Variants in PCDH15 observed in about 807,000 individuals in gnomAD.
PCDH15 encodes the protein protocadherin-15.
A neutral mutation model predicts 178.5 loss-of-function variants in PCDH15; 129 were observed. That is an observed-to-expected ratio of 0.72 (90% confidence interval 0.63 to 0.84). The LOEUF is 0.84. Among genes scored for constraint, PCDH15 ranks in the 40% least tolerant of loss-of-function variants. The pLI, the probability that PCDH15 is intolerant of heterozygous loss-of-function variation, is 0.00. For missense variants in PCDH15, 2,230 were observed against 2,099.9 expected, an observed-to-expected ratio of 1.06 and a Z score of -1.21; for synonymous variants, 800 against 732.0, an observed-to-expected ratio of 1.09 and a Z score of -1.50.
intron 1 of PCDH15, among the ~76,000 whole-genome samples, chr10:55,216,408 C>T (rs1040301414): frequency 4.0e-5 from 6 of 151,782 alleles, no homozygotes; most frequent in Admixed American, 6.6e-5. Context: ...TTTACAAATA[C>T]GGTATACACC....
At chr10:55,334,309 TATA>T (rs1565021832) in intron 2 of PCDH15, among the ~76,000 whole-genome samples, 3 of 123,710 alleles carry the variant, frequency 2.4e-5, no homozygotes, top group Admixed American at 8.1e-5. Context: ...TATATATATA[TATA>T]TATTTTTTTT....
intron 10 of PCDH15, among the ~76,000 whole-genome samples, chr10:54,201,779 AAATT>A (rs1286634737): frequency 2.0e-5 from 3 of 152,222 alleles, no homozygotes; most frequent in African/African-American, 7.2e-5. Flanking sequence ...CACGAAGTGG[AAATT>A]AATTAATGTG....
In PCDH15 at chr10:54,403,763, G is replaced by A. The variant is rs773905509; in HGVS notation, c.158-24821C>T. On this transcript the variant is annotated intron_variant, in intron 3 of 37. Coordinates refer to ENST00000644397, the MANE Select transcript of PCDH15 (RefSeq NM_001384140.1). ...GCAAGTCTCAGGATACAAAATCAAC[G>A]TACAAAAATCACTAGCACTCCTGGA... Among the ~76,000 whole-genome samples the A allele has an allele frequency of 7.3e-5, 11 of 151,688 alleles. No homozygotes were observed. The South Asian group carries it at 1.0e-3, about 14-fold the overall frequency.
chr10:54,359,071 T>C (rs1386668195), intron 5 of PCDH15, among the ~76,000 whole-genome samples: 3 of 149,802 alleles, frequency 2.0e-5, no homozygotes, highest in Non-Finnish European at 3.0e-5. Flanking sequence ...AATGACGAGT[T>C]AATGGGTGCA....
rs11004011 is a variant in PCDH15 at position 54,035,770 on chromosome 10, T to A, written c.2221-12573A>T. ...AAAAGCTAGAAATGATTAAGCTTAG[T>A]GAGAAAGGTAGGTCAAAAGCTGAGA... On this transcript the variant is annotated intron_variant, in intron 18 of 37. Transcript: ENST00000644397. 7.2e-5 allele frequency among the ~76,000 whole-genome samples: 11 copies of A among 151,800 alleles called. No individual in the cohort carries two copies. In the East Asian group the frequency reaches 1.9e-3, roughly 27 times the overall value.
chr10:54,207,873 G>A (rs1158411025), intron 10 of PCDH15, among the ~76,000 whole-genome samples: 3 of 151,980 alleles, frequency 2.0e-5, no homozygotes, highest in Non-Finnish European at 4.4e-5. Context: ...TTAGTGATAT[G>A]TTCAAATTTC....
At chr10:54,819,386 A>C (rs1308514767) in intron 3 of PCDH15, among the ~76,000 whole-genome samples, 1 of 152,074 alleles carries the variant, frequency 6.6e-6, no homozygotes, top group Non-Finnish European at 1.5e-5. Flanking sequence ...AACTGAAATT[A>C]CTTTTTCTGT....
chr10:55,226,533 C>T (rs1456748156), intron 1 of PCDH15, among the ~76,000 whole-genome samples: 2 of 151,872 alleles, frequency 1.3e-5, no homozygotes, highest in Admixed American at 6.6e-5. Flanking sequence ...AGGCACCCAC[C>T]ACCACAGTCG....
At chr10:54,532,571 G>T (rs2084037979) in intron 2 of PCDH15, among the ~76,000 whole-genome samples, 2 of 152,024 alleles carry the variant, frequency 1.3e-5, no homozygotes, top group African/African-American at 4.8e-5. Context: ...GCACATTTTT[G>T]ATTCCAAGCA....
At chr10:55,084,408 A>G (rs1480008332) in intron 2 of PCDH15, among the ~76,000 whole-genome samples, 1 of 151,622 alleles carries the variant, frequency 6.6e-6, no homozygotes, top group Admixed American at 6.6e-5. Flanking sequence ...CTCTTGCCAT[A>G]TATGAGAATC....
At position 53,816,280 on chromosome 10, in the gene PCDH15, G is replaced by T; in HGVS notation, c.4453-3C>A. 1 of 398,710 alleles carries T rather than the reference G, an allele frequency of 2.5e-6. No individual in the cohort carries two copies. The allele number at this position is 398,710 out of a possible 1,614,324, so 24.7% of individuals were successfully genotyped here. ...GAGGGCCTCAGCAGTTGCTGTTGCT[G>T]TCAAAGGAAATTAAAATAGAAAAAG... On this transcript the variant is annotated splice_region_variant and splice_polypyrimidine_tract_variant and intron_variant, in intron 34 of 37. Coordinates refer to ENST00000644397, the MANE Select transcript of PCDH15 (RefSeq NM_001384140.1).
intron 1 of PCDH15, among the ~76,000 whole-genome samples, chr10:55,201,543 G>A (rs1840248221): frequency 6.6e-6 from 1 of 152,124 alleles, no homozygotes; most frequent in African/African-American, 2.4e-5. Context: ...TAGAATTTAA[G>A]GTCTTCCAGG....
At chr10:55,164,104 G>A (rs933267195) in intron 2 of PCDH15, among the ~76,000 whole-genome samples, 2 of 152,094 alleles carry the variant, frequency 1.3e-5, no homozygotes, top group Non-Finnish European at 2.9e-5. Flanking sequence ...ATGCAGTAGA[G>A]CCTACTATGG....
At chr10:55,277,873 GA>G (rs1214669398) in intron 1 of PCDH15, among the ~76,000 whole-genome samples, 2 of 152,008 alleles carry the variant, frequency 1.3e-5, no homozygotes, top group African/African-American at 4.8e-5. Context: ...TTTAAATAGA[GA>G]AAACAATATC....
Position 53,903,349 on chromosome 10 carries a change from A to G in PCDH15, c.3395T>C (p.Ile1132Thr), listed in dbSNP as rs2082453325. ...PSKSNTAKVY[I>T]EIQDENNHPP... is the part of the protein sequence containing the mutation. ...ATGATTATTTTCATCCTGAATCTCA[A>G]TGTATACTTTAGCTGTATTGCCTGG... Residue 1132 changes from isoleucine to threonine, a missense_variant, in exon 26 of 38, where the codon ATT becomes ACT. Transcript: ENST00000644397. The G allele has an allele frequency of 6.2e-7, 1 of 1,612,988 alleles. No homozygotes were observed. Among genetic ancestry groups the G allele is most frequent in the East Asian group, 2.2e-5 (1 of 44,788 alleles).
chr10:55,029,095 G>C (rs185644479), intron 2 of PCDH15, among the ~76,000 whole-genome samples: 1 of 151,728 alleles, frequency 6.6e-6, no homozygotes, highest in Non-Finnish European at 1.5e-5. Context: ...AAGTTGCCCT[G>C]TACGTTTGAA....
chr10:54,418,847 G>C (rs1363364882), intron 3 of PCDH15, among the ~76,000 whole-genome samples: 2 of 151,942 alleles, frequency 1.3e-5, no homozygotes, highest in East Asian at 3.9e-4. Flanking sequence ...AAAGCTAAAA[G>C]ACAATAATAT....
At chr10:55,037,782 G>A (rs118017760) in intron 2 of PCDH15, among the ~76,000 whole-genome samples, 514 of 152,072 alleles carry the variant, frequency 3.4e-3, no homozygotes, top group East Asian at 0.021. Context: ...CACTATTTTC[G>A]TTCAATATCT....
At chr10:54,926,171 C>T (rs888900512) in intron 2 of PCDH15, among the ~76,000 whole-genome samples, 1 of 151,996 alleles carries the variant, frequency 6.6e-6, no homozygotes, top group Non-Finnish European at 1.5e-5. Context: ...TGTTGAATTT[C>T]ATCCAAAGGC....
Sources: allele counts gnomAD v4.1 joint callset (sites outside exome capture counted in the v4.1 genomes callset), GRCh38; gene constraint gnomAD v4.1.1; transcripts MANE v1.5; gene names NCBI Gene and HGNC (gene_info 2026-07-23, HGNC 2026-07-21).